Variants in HERC3 observed in about 807,000 individuals in gnomAD.
The protein encoded by HERC3 is HECT and RLD domain containing E3 ubiquitin protein ligase 3, also known as probable E3 ubiquitin-protein ligase HERC3.
HERC3 carries 58 observed loss-of-function variants against 129.9 expected under a neutral mutation model. That is an observed-to-expected ratio of 0.45 (90% CI 0.36 to 0.56). HERC3 has a LOEUF of 0.56. HERC3 is among the 20% of genes least tolerant of loss of function. HERC3 has a pLI of 0.00. For synonymous variants in HERC3, 430 were observed against 451.0 expected (o/e 0.95, Z 0.59); for missense variants, 835 against 1,244.2 (o/e 0.67, Z 4.95).
chr4:88,536,539 A>G, the HERC3 span, among the ~76,000 whole-genome samples: 1 of 152,174 alleles, frequency 6.6e-6, no homozygotes, highest in Non-Finnish European at 1.5e-5. Flanking sequence ...TCCTGTACTA[A>G]TCTAGAAGAT....
At chr4:88,530,106 A>C in the HERC3 span, among the ~76,000 whole-genome samples, 1 of 152,096 alleles carries the variant, frequency 6.6e-6, no homozygotes, top group Non-Finnish European at 1.5e-5. Flanking sequence ...CCTGGCCAAC[A>C]TGGTGAAACC....
chr4:88,559,420 C>A, the HERC3 span, among the ~76,000 whole-genome samples: 1 of 152,198 alleles, frequency 6.6e-6, no homozygotes, highest in Non-Finnish European at 1.5e-5. Context: ...ATCCTCTGAA[C>A]TACATCTCCC....
intron 16 of HERC3, among the ~76,000 whole-genome samples, chr4:88,673,936 G>T (rs1731878893): frequency 6.6e-6 from 1 of 152,126 alleles, no homozygotes; most frequent in Non-Finnish European, 1.5e-5. Context: ...TGCCTTGCTG[G>T]CTCACCTGAG....
At position 88,619,336 on chromosome 4, in the gene HERC3, G is replaced by C. The variant is rs146632577; in HGVS notation, c.226+13287G>C. ...ATTTATTTCTGGTCAAGACTGCATG[G>C]CTGCCCAGGTCAGTCAGGCATATGA... On this transcript the variant is annotated intron_variant, in intron 3 of 25. Transcript: ENST00000402738. 2.9e-4 allele frequency among the ~76,000 whole-genome samples: 44 copies of C among 152,260 alleles called. No individual in the cohort carries two copies. In the East Asian group the frequency reaches 5.4e-3, roughly 19 times the overall value.
the HERC3 span, among the ~76,000 whole-genome samples, chr4:88,582,968 T>G: frequency 1.5e-4 from 23 of 152,240 alleles, no homozygotes; most frequent in Non-Finnish European, 2.9e-4. Flanking sequence ...TGTGTGCCTC[T>G]TGTGCACATG....
At chr4:88,570,991 C>A in the HERC3 span, among the ~76,000 whole-genome samples, 1 of 151,984 alleles carries the variant, frequency 6.6e-6, no homozygotes, top group Non-Finnish European at 1.5e-5. Context: ...ATCTCCTGAC[C>A]TTGTGATCCA....
At position 88,681,333 on chromosome 4, in the gene HERC3, G is replaced by GCT. The variant is rs768396632; in HGVS notation, c.2507+9_2507+10dup. ...GTCACCCACTGAAGGAAGGTACAAAGCTAAAAGGCGATTGGTATCTGAAAC... is the reference window on the plus strand; with the variant it reads ...GTCACCCACTGAAGGAAGGTACAAAGCTCTAAAAGGCGATTGGTATCTGAAAC... On this transcript the variant is annotated intron_variant, in intron 21 of 25. Transcript: ENST00000402738. 4 of 1,604,578 alleles carry GCT rather than the reference G, an allele frequency of 2.5e-6. No homozygotes were observed. In the Admixed American group the frequency reaches 6.9e-5, roughly 28 times the overall value.
chr4:88,527,337 C>T, the HERC3 span: 2 of 151,908 alleles, frequency 1.3e-5, no homozygotes, highest in Non-Finnish European at 2.9e-5. Context: ...CTGCAGCCTT[C>T]ACCTTCTGAG....
chr4:88,597,881 T>C (rs888870689), intron 2 of HERC3: 6 of 152,236 alleles, frequency 3.9e-5, no homozygotes, highest in Admixed American at 3.3e-4. Context: ...TTCTATGACA[T>C]TTCTGTCTTT....
chr4:88,581,244 G>A, the HERC3 span, among the ~76,000 whole-genome samples: 1 of 151,956 alleles, frequency 6.6e-6, no homozygotes, highest in African/African-American at 2.4e-5. Flanking sequence ...CTACTGTGTT[G>A]AGAGTTATTT....
At chr4:88,616,117 G>A (rs2149212226) in intron 3 of HERC3, among the ~76,000 whole-genome samples, 1 of 152,230 alleles carries the variant, frequency 6.6e-6, no homozygotes, top group Middle Eastern at 3.4e-3. Flanking sequence ...GGTTGTTAAG[G>A]GAGAGTTTAT....
At position 88,681,319 on chromosome 4, in the gene HERC3, A is replaced by G; in HGVS notation, c.2501A>G (p.Glu834Gly). The change falls in exon 21 of 26, where the codon GAA becomes GGA. Residue 834 changes from glutamate (E) to glycine (G), a missense_variant. Coordinates refer to ENST00000402738, the MANE Select transcript of HERC3 (RefSeq NM_014606.3). ...GACTTAAAGGAGTTGTCACCCACTG[A>G]AGGAAGGTACAAAGCTAAAAGGCGA... is the stretch of plus-strand genomic sequence containing the variant. ...LEDLKELSPTEGRSLQELLDY... is the reference protein window; with the variant it reads ...LEDLKELSPTGGRSLQELLDY... The G allele has an allele frequency of 6.2e-7, 1 of 1,611,462 alleles. No individual in the cohort carries two copies. Among genetic ancestry groups the G allele is most frequent in the East Asian group, 2.2e-5 (1 of 44,870 alleles).
chr4:88,687,929 A>T (rs1342629011), intron 23 of HERC3, among the ~76,000 whole-genome samples: 1 of 152,172 alleles, frequency 6.6e-6, no homozygotes, highest in Non-Finnish European at 1.5e-5. Flanking sequence ...TTTATATTAA[A>T]TTATGCTAAT....
chr4:88,698,900 T>G (rs1175539990), intron 23 of HERC3, among the ~76,000 whole-genome samples: 1 of 109,530 alleles, frequency 9.1e-6, no homozygotes, highest in African/African-American at 3.8e-5. Context: ...CCCACCCTCC[T>G]TACCCTCTTC....
At chr4:88,677,320 A>G (rs1215221091) in intron 18 of HERC3, among the ~76,000 whole-genome samples, 3 of 152,188 alleles carry the variant, frequency 2.0e-5, no homozygotes, top group Non-Finnish European at 4.4e-5. Flanking sequence ...TATTTTAAAT[A>G]CACATTTTTA....
intron 22 of HERC3, 104 bp from the exon 23 acceptor site, chr4:88,687,113 C>A: frequency 1.2e-6 from 1 of 806,874 alleles, no homozygotes; most frequent in Non-Finnish European, 2.0e-6. Context: ...CTGTAATAGT[C>A]ATGAAACTAC....
the HERC3 span, among the ~76,000 whole-genome samples, chr4:88,531,645 C>T: frequency 5.8e-4 from 89 of 152,224 alleles, no homozygotes; most frequent in African/African-American, 1.9e-3. Context: ...AGTTGGAAAA[C>T]GAACAAGTAC....
intron 23 of HERC3, among the ~76,000 whole-genome samples, chr4:88,688,213 C>T (rs1733686686): frequency 6.6e-6 from 1 of 152,182 alleles, no homozygotes; most frequent in South Asian, 2.1e-4. Flanking sequence ...AGTTGGGACT[C>T]TGCAGTTTGA....
At chr4:88,558,042 GC>G in the HERC3 span, among the ~76,000 whole-genome samples, 1 of 133,346 alleles carries the variant, frequency 7.5e-6, no homozygotes, top group Admixed American at 8.7e-5. Flanking sequence ...TTGCACTCCA[GC>G]CTGGGCAACG....
Sources: allele counts gnomAD v4.1 joint callset (sites outside exome capture counted in the v4.1 genomes callset), GRCh38; gene constraint gnomAD v4.1.1; transcripts MANE v1.5; gene names NCBI Gene and HGNC (gene_info 2026-07-23, HGNC 2026-07-21).